The following C1orf87 variants were observed in gnomAD, a reference collection of about 807,000 sequenced individuals.
C1orf87 encodes chromosome 1 open reading frame 87.
In C1orf87, 58 loss-of-function variants were observed where a neutral mutation model predicts 60.5. The ratio of observed to expected loss-of-function variants is 0.96; its 90% CI spans 0.78 to 1.19. The LOEUF is 1.19. Among genes scored for constraint, C1orf87 ranks in the 50% most tolerant of loss-of-function variants. The probability of loss-of-function intolerance (pLI) is 0.00; values close to 1 mark genes in which losing one functional copy is unlikely to be tolerated. For synonymous variants in C1orf87, 236 were observed against 227.4 expected (o/e 1.04, Z -0.34); for missense variants, 673 against 638.6 (o/e 1.05, Z -0.58).
intron 9 of C1orf87, among the ~76,000 whole-genome samples, chr1:60,005,109 T>A (rs1645033964): frequency 6.6e-6 from 1 of 152,148 alleles, no homozygotes; most frequent in Non-Finnish European, 1.5e-5. Context: ...TGAATGAAGC[T>A]TTTGTGAGAA....
At chr1:60,063,667 T>C (rs1645512232) in intron 2 of C1orf87, among the ~76,000 whole-genome samples, 1 of 152,186 alleles carries the variant, frequency 6.6e-6, no homozygotes, top group Non-Finnish European at 1.5e-5. Flanking sequence ...CTTAGAATGC[T>C]CTTTCATCAG....
intron 7 of C1orf87, among the ~76,000 whole-genome samples, chr1:60,027,033 A>C (rs1406436897): frequency 1.3e-5 from 2 of 152,218 alleles, no homozygotes; most frequent in African/African-American, 4.8e-5. Flanking sequence ...AATCCAAAAC[A>C]CTTCTGGTCC....
chr1:60,036,303 G>A (rs1645275504), intron 6 of C1orf87, among the ~76,000 whole-genome samples: 1 of 152,132 alleles, frequency 6.6e-6, no homozygotes, highest in South Asian at 2.1e-4. Flanking sequence ...CACACTGTAG[G>A]AAGGAATCAA....
At chr1:60,058,585 A>C (rs910096800) in intron 2 of C1orf87, among the ~76,000 whole-genome samples, 1 of 152,212 alleles carries the variant, frequency 6.6e-6, no homozygotes, top group African/African-American at 2.4e-5. Flanking sequence ...ATTTATATAC[A>C]TTAGATTATA....
At chr1:60,035,693 A>G (rs888522925) in intron 6 of C1orf87, among the ~76,000 whole-genome samples, 5 of 152,218 alleles carry the variant, frequency 3.3e-5, no homozygotes, top group African/African-American at 9.6e-5. Flanking sequence ...ACAGATATTC[A>G]TGTATCCCTG....
chr1:60,013,163 A>C (rs1645100902), intron 8 of C1orf87, among the ~76,000 whole-genome samples: 1 of 152,132 alleles, frequency 6.6e-6, no homozygotes, highest in African/African-American at 2.4e-5. Context: ...TTCAATCTGT[A>C]CAGCTGTACC....
intron 3 of C1orf87, among the ~76,000 whole-genome samples, chr1:60,044,173 GCGCC>G (rs1163144486): frequency 6.6e-6 from 1 of 152,174 alleles, no homozygotes; most frequent in Non-Finnish European, 1.5e-5. Flanking sequence ...GGGACTACAG[GCGCC>G]CGCCACCATG....
chr1:60,012,081 T>A (rs2100258996), intron 8 of C1orf87, among the ~76,000 whole-genome samples: 1 of 152,096 alleles, frequency 6.6e-6, no homozygotes, highest in South Asian at 2.1e-4. Context: ...TAAACTACAA[T>A]GGAAGCATCT....
chr1:60,070,524 C>T lies in C1orf87; in HGVS notation c.107+2013G>A, dbSNP rs146194546. On this transcript the variant is annotated intron_variant, in intron 2 of 11. Transcript: ENST00000371201. ...CATGATAGTGGCGGCACTTTCCTTA[C>T]CTGAGCAACAAGAAGCATTTAAGAA... Among the ~76,000 whole-genome samples, 1,393 of 152,188 alleles carry T rather than the reference C, an allele frequency of 9.2e-3. 19 individuals are homozygous for T. The highest frequency in any genetic ancestry group is 0.049 in the Admixed American group (753 of 15,284).
At chr1:60,022,660 T>TC (rs1645171700) in intron 8 of C1orf87, among the ~76,000 whole-genome samples, 1 of 152,158 alleles carries the variant, frequency 6.6e-6, no homozygotes, top group African/African-American at 2.4e-5. Flanking sequence ...ACATTTTTTT[T>TC]CCCTCATTAA....
chr1:59,994,604 C>T (rs3958718), intron 11 of C1orf87, among the ~76,000 whole-genome samples: 8,953 of 152,192 alleles, frequency 0.059, 920 homozygotes, highest in African/African-American at 0.21. Context: ...GCAACATTCA[C>T]CCAGACATTT....
rs1003109219 is a variant in C1orf87 at position 60,062,989 on chromosome 1, CACAAAAACAA to C, written c.108-7561_108-7552del. Among the ~76,000 whole-genome samples the C allele has an allele frequency of 1.3e-4, 20 of 152,062 alleles. No individual in the cohort carries two copies. In the South Asian group the frequency reaches 2.5e-3, roughly 19 times the overall value. ...TACTTCTCACAGTGCCTAAAACAAA[CACAAAAACAA>C]ACAAAAACAAACAAAAATTATTCCA... On this transcript the variant is annotated intron_variant, in intron 2 of 11. Coordinates refer to ENST00000371201, the MANE Select transcript of C1orf87 (RefSeq NM_152377.3).
intron 7 of C1orf87, among the ~76,000 whole-genome samples, chr1:60,026,041 A>G (rs1296124738): frequency 6.6e-6 from 1 of 152,186 alleles, no homozygotes; most frequent in Non-Finnish European, 1.5e-5. Context: ...TATTGAATGA[A>G]TGAATGAGGT....
chr1:60,027,647 A>G (rs1379686644), intron 7 of C1orf87, among the ~76,000 whole-genome samples: 2 of 152,250 alleles, frequency 1.3e-5, no homozygotes, highest in African/African-American at 4.8e-5. Flanking sequence ...ATGAAAGGAA[A>G]GACAACCAAT....
chr1:60,034,568 C>A (rs942986799), intron 6 of C1orf87, among the ~76,000 whole-genome samples: 1 of 152,188 alleles, frequency 6.6e-6, no homozygotes, highest in Non-Finnish European at 1.5e-5. Flanking sequence ...TAATTTGCTG[C>A]ATTACTGATT....
chr1:60,004,098 C>T (rs537067494), intron 9 of C1orf87, among the ~76,000 whole-genome samples: 66 of 152,090 alleles, frequency 4.3e-4, no homozygotes, highest in African/African-American at 1.4e-3. Flanking sequence ...ATAAGAGGTT[C>T]AAAATACTCT....
At chr1:59,994,501 G>C (rs1574290158) in intron 11 of C1orf87, among the ~76,000 whole-genome samples, 1 of 152,200 alleles carries the variant, frequency 6.6e-6, no homozygotes, top group South Asian at 2.1e-4. Flanking sequence ...GGCTCATGCA[G>C]AGGAATTTCT....
At position 59,997,499 on chromosome 1, in the gene C1orf87, T is replaced by C; in HGVS notation, c.1480+110A>G. On this transcript the variant is annotated intron_variant, in intron 11 of 11. Coordinates refer to ENST00000371201, the MANE Select transcript of C1orf87 (RefSeq NM_152377.3). The stretch of plus-strand genomic sequence containing the variant: ...GCTCAGCACATTGCAGGGCACATGA[T>C]TTATATATTAATTGTATCATTTGTT... The C allele has an allele frequency of 4.2e-6, 4 of 956,224 alleles. No individual in the cohort carries two copies. In the South Asian group the frequency reaches 6.6e-5, roughly 16 times the overall value. 59.2% of individuals were successfully genotyped at this position (956,224 alleles called of 1,614,324 possible).
intron 11 of C1orf87, among the ~76,000 whole-genome samples, chr1:59,994,311 T>C (rs1359306739): frequency 6.6e-6 from 1 of 152,010 alleles, no homozygotes; most frequent in Non-Finnish European, 1.5e-5. Flanking sequence ...CTTTCTAGTA[T>C]GTCATGGGAC....
Sources: allele counts gnomAD v4.1 joint callset (sites outside exome capture counted in the v4.1 genomes callset), GRCh38; gene constraint gnomAD v4.1.1; transcripts MANE v1.5; gene names NCBI Gene and HGNC (gene_info 2026-07-23, HGNC 2026-07-21).